The following SPAG9 variants were observed in gnomAD, a reference collection of about 807,000 sequenced individuals.
The protein encoded by SPAG9 is C-Jun-amino-terminal kinase-interacting protein 4.
SPAG9 carries 35 observed loss-of-function variants against 166.5 expected under a neutral mutation model. The ratio of observed to expected loss-of-function variants is 0.21; its 90% confidence interval spans 0.16 to 0.28. The LOEUF (loss-of-function observed/expected upper bound fraction) is 0.28. SPAG9 is among the 10% of genes least tolerant of loss of function. The pLI is 1.00. For missense variants in SPAG9, 1,235 were observed against 1,603.3 expected (o/e 0.77, Z 3.92); for synonymous variants, 534 against 565.5 (o/e 0.94, Z 0.79).
chr17:50,990,648 G>T lies in SPAG9; in HGVS notation c.2419C>A (p.Pro807Thr). ...SVPGARETDYPAGEDLSESGQ... is the reference protein window; with the variant it reads ...SVPGARETDYTAGEDLSESGQ... ...GATTCTGAAAGATCTTCTCCTGCAG[G>T]GTAGTCTGTTTCTCGTGCACCTGAA... Residue 807 changes from proline to threonine, a missense_variant, in exon 20 of 30, where the codon CCT (proline) becomes ACT (threonine). Physicochemically the swap from Pro to Thr is conservative, Grantham distance 38. Coordinates refer to ENST00000262013, the MANE Select transcript of SPAG9 (RefSeq NM_001130528.3). 1 of 1,613,966 alleles carries T rather than the reference G, an allele frequency of 6.2e-7. No individual in the cohort carries two copies. The highest frequency in any genetic ancestry group is 8.5e-7 in the Non-Finnish European group (1 of 1,179,938).
Position 51,020,433 on chromosome 17 carries a change from T to C in SPAG9, c.992-175A>G, listed in dbSNP as rs777455968. ...ATATATCACATATTCAGTTAACAGA[T>C]TGTATCAAAAACTAATAAGCAACCA... On this transcript the variant is annotated intron_variant, in intron 7 of 29. Transcript: ENST00000262013. Among the ~76,000 whole-genome samples the C allele has an allele frequency of 7.2e-5, 11 of 152,152 alleles. No homozygotes were observed. The East Asian group carries it at 9.6e-4, about 13-fold the overall frequency.
At chr17:51,091,860 TAA>T (rs973216379) in intron 1 of SPAG9, among the ~76,000 whole-genome samples, 5 of 151,622 alleles carry the variant, frequency 3.3e-5, no homozygotes, top group African/African-American at 1.2e-4. Context: ...TGTCAGGATC[TAA>T]AAAGAGTAAG....
chr17:51,008,090 CAAT>C (rs2045302685), intron 9 of SPAG9, among the ~76,000 whole-genome samples: 1 of 152,136 alleles, frequency 6.6e-6, no homozygotes, highest in African/African-American at 2.4e-5. Flanking sequence ...TTCTTTCTCA[CAAT>C]AAGATTAACT....
rs1233090690 is a variant in SPAG9 at position 51,095,976 on chromosome 17, T to TATATATAGTG, written c.304-16273_304-16272insCACTATATAT. Among the ~76,000 whole-genome samples the TATATATAGTG allele has an allele frequency of 1.4e-3, 81 of 58,394 alleles. 2 individuals are homozygous for TATATATAGTG. The highest frequency in any genetic ancestry group is 0.012 in the African/African-American group (79 of 6,764). The allele number at this position is 58,394 out of a possible 152,430, so 38.3% of individuals were successfully genotyped here. A position where few individuals can be genotyped will look rare whatever the true frequency, so the allele number is the denominator to read the frequency against. On this transcript the variant is annotated intron_variant, in intron 1 of 29. Transcript: ENST00000262013. Reference sequence around the variant, plus strand: ...ATATAGTGATATATATATATAGTGATATATATATATATAGTGATATATATA... The same window carrying TATATATAGTG: ...ATATAGTGATATATATATATAGTGATATATATAGTGATATATATATATAGTGATATATATA...
chr17:51,050,419 T>G (rs950033217), intron 3 of SPAG9, among the ~76,000 whole-genome samples: 1 of 152,222 alleles, frequency 6.6e-6, no homozygotes, highest in African/African-American at 2.4e-5. Flanking sequence ...GTTGATTGTC[T>G]GGTCAATGAC....
In SPAG9 at chr17:51,020,220, T is replaced by C. The variant is rs146610700; in HGVS notation, c.1030A>G (p.Ile344Val). Reference protein sequence around the residue: ...ENEEKSEVQAIIESTPELDMD... With the variant: ...ENEEKSEVQAVIESTPELDMD... ...TCCAGCTCAGGAGTAGATTCGATGA[T>C]TGCTTGAACTTCTGACTTTTCTTCA... The change falls in exon 8 of 30, where the codon ATC becomes GTC. Residue 344 changes from isoleucine to valine, a missense_variant. By Grantham distance (29) the Ile-to-Val change is conservative. Coordinates refer to ENST00000262013, the MANE Select transcript of SPAG9 (RefSeq NM_001130528.3). 3.7e-6 allele frequency: 6 copies of C among 1,613,620 alleles called. No homozygotes were observed. The African/African-American group carries it at 4.0e-5, about 11-fold the overall frequency.
Position 50,974,885 on chromosome 17 carries a change from C to T in SPAG9, c.3586G>A (p.Glu1196Lys). Residue 1196 changes from glutamate to lysine, a missense_variant, in exon 28 of 30, where the codon GAA becomes AAA. By Grantham distance (56) the Glu-to-Lys change is moderately conservative. Around this residue, in one of 6 missense-constraint regions of SPAG9, gnomAD observed 243 missense variants for 358.6 expected, o/e 0.68. Transcript: ENST00000262013. Reference protein sequence around the residue: ...PGSVIRVYGDENSDKVTPGTF... With the variant: ...PGSVIRVYGDKNSDKVTPGTF... ...CCTGGAGTCACTTTATCACTGTTTT[C>T]ATCACCATATACACGGATTACACTT... is the stretch of plus-strand genomic sequence containing the variant. 6.2e-7 allele frequency: 1 copy of T among 1,613,418 alleles called. No individual in the cohort carries two copies. The highest frequency in any genetic ancestry group is 8.5e-7 in the Non-Finnish European group (1 of 1,179,870).
At chr17:51,003,355 A>C (rs2045047581) in intron 12 of SPAG9, among the ~76,000 whole-genome samples, 1 of 152,212 alleles carries the variant, frequency 6.6e-6, no homozygotes, top group Non-Finnish European at 1.5e-5. Flanking sequence ...TTCACCTAAA[A>C]ATGTTGCTCT....
At chr17:51,035,144 T>C (rs2046536493) in intron 5 of SPAG9, among the ~76,000 whole-genome samples, 1 of 152,148 alleles carries the variant, frequency 6.6e-6, no homozygotes, top group East Asian at 1.9e-4. Flanking sequence ...GCCCTGTCTG[T>C]AATAAAAATT....
chr17:51,031,957 TC>T, intron 5 of SPAG9: 1 of 644,946 alleles, frequency 1.6e-6, no homozygotes, highest in Admixed American at 2.1e-5. Context: ...CTTATACTTA[TC>T]AACATGCAGC....
At chr17:51,036,407 ATCT>A (rs2144341789) in intron 5 of SPAG9, among the ~76,000 whole-genome samples, 1 of 152,214 alleles carries the variant, frequency 6.6e-6, no homozygotes, top group East Asian at 1.9e-4. Context: ...CCCTGCTGAC[ATCT>A]TCTTCCATTC....
At chr17:50,997,344 T>C (rs935150231) in intron 15 of SPAG9, among the ~76,000 whole-genome samples, 3 of 152,242 alleles carry the variant, frequency 2.0e-5, no homozygotes, top group Non-Finnish European at 4.4e-5. Context: ...TTTTTGTTGT[T>C]GTTGTTCATT....
At chr17:50,999,563 G>A in intron 14 of SPAG9, 98 bp downstream of exon 14, 5 of 1,425,002 alleles carry the variant, frequency 3.5e-6, no homozygotes, top group East Asian at 2.5e-5. Context: ...AAAAAATGAA[G>A]GAAAGAAAAT....
In SPAG9 at chr17:50,978,306, C is replaced by A. The variant is rs188925219; in HGVS notation, c.3410-1085G>T. Among the ~76,000 whole-genome samples, 459 of 152,228 alleles carry A rather than the reference C, an allele frequency of 3.0e-3. 5 individuals are homozygous for A. The highest frequency in any genetic ancestry group is 0.027 in the Admixed American group (412 of 15,294). On this transcript the variant is annotated intron_variant, in intron 26 of 29. Coordinates refer to ENST00000262013, the MANE Select transcript of SPAG9 (RefSeq NM_001130528.3). Reference sequence around the variant, plus strand: ...CTTTAACCTCCAGTCAAAGTAGATCCCTGAAATTAGTTTGTGTTTGCATGT... The same window carrying A: ...CTTTAACCTCCAGTCAAAGTAGATCACTGAAATTAGTTTGTGTTTGCATGT...
intron 1 of SPAG9, among the ~76,000 whole-genome samples, chr17:51,100,071 G>A (rs2144732379): frequency 6.6e-6 from 1 of 152,280 alleles, no homozygotes; most frequent in African/African-American, 2.4e-5. Flanking sequence ...CTGCACTCCA[G>A]CCTGAGCAAC....
rs1463126557 is a variant in SPAG9, at chr17:51,053,854, AGTATATATATATATATATATAT to A, written c.495+2536_495+2557del. ...CCCTAATTAAAAAAAAAAAAAAAAA[AGTATATATATATATATATATAT>A]ATATATATATATATATATATATAAA... On this transcript the variant is annotated intron_variant, in intron 3 of 29. Coordinates refer to ENST00000262013, the MANE Select transcript of SPAG9 (RefSeq NM_001130528.3). 1.4e-3 allele frequency among the ~76,000 whole-genome samples: 47 copies of A among 34,446 alleles called. 3 individuals are homozygous for A. The highest frequency in any genetic ancestry group is 7.7e-3 in the South Asian group (8 of 1,038). 22.6% of individuals were successfully genotyped at this position (34,446 alleles called of 152,430 possible).
chr17:50,982,477 G>C (rs770296096), intron 25 of SPAG9, 47 bp downstream of exon 25: 3 of 1,540,374 alleles, frequency 1.9e-6, no homozygotes, highest in South Asian at 1.2e-5. Context: ...ATAGTCTTCG[G>C]ATAATACAAA....
chr17:51,078,418 G>A (rs1005750834), intron 2 of SPAG9, among the ~76,000 whole-genome samples: 8 of 152,148 alleles, frequency 5.3e-5, no homozygotes, highest in African/African-American at 1.4e-4. Context: ...GAGTGCTGGC[G>A]AAGGCATTCC....
chr17:51,091,922 GTTT>G (rs1319716445), intron 1 of SPAG9, among the ~76,000 whole-genome samples: 10 of 148,742 alleles, frequency 6.7e-5, no homozygotes, highest in Admixed American at 2.0e-4. Context: ...TATAGGGACT[GTTT>G]CGCCCCACTG....
Sources: gnomAD v4.1 joint callset for allele counts (sites outside exome capture counted in the v4.1 genomes callset) on GRCh38, gnomAD v4.1.1 for gene constraint, gnomAD v4.1.1 regional missense constraint, MANE v1.5 for transcripts, NCBI Gene and HGNC (gene_info 2026-07-23, HGNC 2026-07-21) for gene names.